STK17B: variants seen among roughly 807,000 people sequenced by gnomAD.
STK17B encodes serine/threonine kinase 17b.
Under a neutral mutation model 42.0 loss-of-function variants are expected in STK17B, and 21 were observed. The observed-to-expected ratio is 0.50, with a 90% CI of 0.35 to 0.72. STK17B has a LOEUF of 0.72. STK17B is among the 30% of genes least tolerant of loss of function. STK17B has a pLI of 0.00. For synonymous variants in STK17B, 143 were observed against 148.4 expected, an observed-to-expected ratio of 0.96 and a Z score of 0.26; for missense variants, 349 against 446.0, an observed-to-expected ratio of 0.78 and a Z score of 1.96.
intron 1 of STK17B, 140 bp downstream of exon 1, chr2:196,171,193 G>A (rs117780501): frequency 1.3e-5 from 2 of 152,312 alleles, no homozygotes; most frequent in East Asian, 3.9e-4. Flanking sequence ...CAGGGGCGGC[G>A]GAGTCCAAGC....
chr2:196,170,115 T>C (rs1056973084), intron 1 of STK17B, among the ~76,000 whole-genome samples: 3 of 152,210 alleles, frequency 2.0e-5, no homozygotes, highest in African/African-American at 7.2e-5. Context: ...AAATAAGCAC[T>C]TGTTGAAAAT....
At position 196,156,485 on chromosome 2, in the gene STK17B, G is replaced by T. The variant is rs1699739809; in HGVS notation, c.289C>A (p.His97Asn). 1 of 1,614,004 alleles carries T rather than the reference G, an allele frequency of 6.2e-7. No individual in the cohort carries two copies. The highest frequency in any genetic ancestry group is 1.3e-5 in the African/African-American group (1 of 75,020). ...AKSCPRVINL[H>N]EVYENTSEII... is the part of the protein sequence containing the mutation. The stretch of plus-strand genomic sequence containing the variant: ...TCACTTGTATTTTCATAGACCTCAT[G>T]AAGATTAATAACACGGGGACAAGAC... Residue 97 changes from histidine to asparagine, a missense_variant, in exon 3 of 8, where the codon CAT (histidine) becomes AAT (asparagine). His to Asn is a moderately conservative substitution (Grantham distance 68). Transcript: ENST00000263955.
intron 3 of STK17B, among the ~76,000 whole-genome samples, chr2:196,148,032 C>T (rs1699608191): frequency 6.6e-6 from 1 of 151,948 alleles, no homozygotes; most frequent in Admixed American, 6.6e-5. Flanking sequence ...CTGGCCGAGA[C>T]ATTAATTTTA....
intron 7 of STK17B, 94 bp downstream of exon 7, chr2:196,139,526 G>T: frequency 1.3e-6 from 1 of 799,144 alleles, no homozygotes; most frequent in Middle Eastern, 4.4e-4. Context: ...TACTATTTTA[G>T]AATATACTTT....
At chr2:196,162,386 G>A (rs943588322) in intron 2 of STK17B, among the ~76,000 whole-genome samples, 1 of 150,784 alleles carries the variant, frequency 6.6e-6, no homozygotes, top group South Asian at 2.1e-4. Context: ...AGGAGAGGGG[G>A]AGAATCTCCC....
chr2:196,160,886 T>C (rs1699802883), intron 2 of STK17B, among the ~76,000 whole-genome samples: 1 of 152,228 alleles, frequency 6.6e-6, no homozygotes, highest in Non-Finnish European at 1.5e-5. Context: ...GGCACCTCAT[T>C]TATAAAGCAA....
intron 1 of STK17B, among the ~76,000 whole-genome samples, chr2:196,165,111 C>T (rs926416537): frequency 6.6e-6 from 1 of 152,186 alleles, no homozygotes; most frequent in African/African-American, 2.4e-5. Flanking sequence ...CCCTGTATCT[C>T]ATAATGTGAC....
At chr2:196,175,745 G>C (rs986590694), upstream of STK17B, among the ~76,000 whole-genome samples, 1 of 152,164 alleles carries the variant, frequency 6.6e-6, no homozygotes, top group Non-Finnish European at 1.5e-5. Flanking sequence ...AGTGTTTCAT[G>C]GCCACATGTG....
At chr2:196,149,045 A>C (rs1224287950) in intron 3 of STK17B, among the ~76,000 whole-genome samples, 1 of 152,252 alleles carries the variant, frequency 6.6e-6, no homozygotes, top group African/African-American at 2.4e-5. Context: ...TAAGAATTAA[A>C]TTGGATAATC....
At chr2:196,149,734 A>G (rs1166229386) in intron 3 of STK17B, among the ~76,000 whole-genome samples, 2 of 152,218 alleles carry the variant, frequency 1.3e-5, no homozygotes, top group Non-Finnish European at 2.9e-5. Flanking sequence ...ACCAAAAAAT[A>G]AGAATAATTT....
chr2:196,142,851 G>C (rs1453948376), intron 5 of STK17B, among the ~76,000 whole-genome samples: 1 of 152,070 alleles, frequency 6.6e-6, no homozygotes, highest in Non-Finnish European at 1.5e-5. Context: ...TGTCCACATG[G>C]GGACATCAGT....
chr2:196,139,605 C>T lies in STK17B; in HGVS notation c.836+15G>A. The stretch of plus-strand genomic sequence containing the variant: ...AATTAAATTTGTAATAGTATTTAAA[C>T]AAATTATTACTTACTCTGGATTTTT... On this transcript the variant is annotated intron_variant, in intron 7 of 7. Transcript: ENST00000263955. 7.4e-7 allele frequency: 1 copy of T among 1,343,262 alleles called. No individual in the cohort carries two copies. The highest frequency in any genetic ancestry group is 1.5e-5 in the African/African-American group (1 of 67,334). 83.2% of individuals were successfully genotyped at this position (1,343,262 alleles called of 1,614,324 possible).
At chr2:196,156,715 G>C in intron 2 of STK17B, 64 bp from the exon 3 acceptor site, 1 of 1,255,284 alleles carries the variant, frequency 8.0e-7, no homozygotes, top group African/African-American at 1.5e-5. Context: ...GTATATTACA[G>C]ATTCTGTTAT....
intron 3 of STK17B, chr2:196,154,868 T>C (rs1174584030): frequency 6.6e-6 from 1 of 152,220 alleles, no homozygotes; most frequent in Non-Finnish European, 1.5e-5. Context: ...TGGTAAGAAA[T>C]GTAATACATT....
chr2:196,158,696 T>A (rs1009231223), intron 2 of STK17B, among the ~76,000 whole-genome samples: 5 of 151,990 alleles, frequency 3.3e-5, no homozygotes, highest in African/African-American at 1.2e-4. Flanking sequence ...CTAATCACTA[T>A]AAAACAATTC....
chr2:196,171,372 C>A lies in STK17B; in HGVS notation c.-84G>T, dbSNP rs1279423412. 1.3e-5 allele frequency: 2 copies of A among 152,470 alleles called. No homozygotes were observed. Among genetic ancestry groups the A allele is most frequent in the South Asian group, 2.1e-4 (1 of 4,820 alleles). 9.4% of individuals were successfully genotyped at this position (152,470 alleles called of 1,614,324 possible). A position where few individuals can be genotyped will look rare whatever the true frequency, so the allele number is the denominator to read the frequency against. On this transcript the variant is annotated 5_prime_UTR_variant, in exon 1 of 8. Transcript: ENST00000263955. ...CAGGTTCTCCCGGGACTGCCCCCTC[C>A]AGGGGGCCGCTGTCCCGCCCCACGC...
intron 7 of STK17B, among the ~76,000 whole-genome samples, chr2:196,138,295 T>C (rs1005576034): frequency 4.6e-5 from 7 of 152,236 alleles, no homozygotes; most frequent in Non-Finnish European, 7.3e-5. Flanking sequence ...TACTCAATAA[T>C]GCATCTCAAG....
intron 3 of STK17B, 32 bp downstream of exon 3, chr2:196,156,407 A>G (rs764701769): frequency 1.0e-5 from 15 of 1,498,150 alleles, no homozygotes; most frequent in Non-Finnish European, 1.3e-5. Flanking sequence ...TTTCATACCA[A>G]CTAAAATAGG....
chr2:196,158,145 A>G (rs1293477848), intron 2 of STK17B, among the ~76,000 whole-genome samples: 1 of 152,228 alleles, frequency 6.6e-6, no homozygotes, highest in East Asian at 1.9e-4. Context: ...AATTCCCTTC[A>G]ATATATTTCT....
Sources: gnomAD v4.1 joint callset for allele counts (sites outside exome capture counted in the v4.1 genomes callset) on GRCh38, gnomAD v4.1.1 for gene constraint, MANE v1.5 for transcripts, NCBI Gene and HGNC (gene_info 2026-07-23, HGNC 2026-07-21) for gene names.